PCDH11X: variants seen among roughly 807,000 people sequenced by gnomAD.
PCDH11X encodes protocadherin-11 X-linked.
In PCDH11X, 18 loss-of-function variants were observed where a neutral mutation model predicts 53.3. That is an observed-to-expected ratio of 0.34 (90% CI 0.23 to 0.50). PCDH11X has a LOEUF of 0.50. Ranked by LOEUF, PCDH11X falls within the 20% of genes least tolerant of loss-of-function variation. The pLI, the probability that PCDH11X is intolerant of heterozygous loss-of-function variation, is 0.98. For synonymous variants in PCDH11X, 279 were observed against 393.3 expected (o/e 0.71, Z 3.44); for missense variants, 570 against 1,032.4 (o/e 0.55, Z 6.14).
At chrX:92,601,217 G>A (rs1310162369) in intron 10 of PCDH11X, among the ~76,000 whole-genome samples, 2 of 107,085 alleles carry the variant, frequency 1.9e-5, no homozygotes, top group African/African-American at 6.9e-5. Flanking sequence ...CATGAGATTT[G>A]GGAGTTGCCA....
intron 8 of PCDH11X, 141 bp from the exon 9 acceptor site, chrX:92,387,594 A>T: frequency 1.9e-6 from 2 of 1,041,111 alleles, no homozygotes; most frequent in Non-Finnish European, 2.6e-6. Context: ...GTTATTCACA[A>T]AAGCCTGAAA....
intron 5 of PCDH11X, among the ~76,000 whole-genome samples, chrX:91,839,864 C>T (rs1341988989): frequency 9.0e-6 from 1 of 111,067 alleles, no homozygotes; most frequent in Non-Finnish European, 1.9e-5. Flanking sequence ...TTCTCTCTTT[C>T]AAGTAAAATC....
intron 6 of PCDH11X, among the ~76,000 whole-genome samples, chrX:91,990,052 G>C (rs2062295478): frequency 9.1e-6 from 1 of 110,025 alleles, no homozygotes; most frequent in East Asian, 2.9e-4. Context: ...AAGATTCTCT[G>C]ATCTTTTCCT....
chrX:92,611,289 A>C (rs748236157), intron 10 of PCDH11X, among the ~76,000 whole-genome samples: 1 of 108,473 alleles, frequency 9.2e-6, no homozygotes, highest in Admixed American at 9.8e-5. Context: ...AGTGTTTTGT[A>C]GTTCTTCTTG....
At chrX:92,211,970 T>G (rs941707363) in intron 7 of PCDH11X, among the ~76,000 whole-genome samples, 19 of 109,285 alleles carry the variant, frequency 1.7e-4, no homozygotes, top group Non-Finnish European at 3.2e-4. Flanking sequence ...TGTATTGATT[T>G]CAATTTGTGT....
chrX:91,928,249 C>A (rs371794470), intron 6 of PCDH11X, among the ~76,000 whole-genome samples: 2 of 109,426 alleles, frequency 1.8e-5, no homozygotes, highest in East Asian at 5.8e-4. Context: ...ACAACCTAAT[C>A]AAACGTGGCT....
intron 6 of PCDH11X, among the ~76,000 whole-genome samples, chrX:92,102,857 A>T (rs2064290170): frequency 8.9e-6 from 1 of 111,782 alleles, no homozygotes; most frequent in African/African-American, 3.3e-5. Context: ...CTAACTTGTA[A>T]GGCTTGTCTG....
At chrX:92,247,957 C>G (rs1191231719) in intron 7 of PCDH11X, among the ~76,000 whole-genome samples, 1 of 111,575 alleles carries the variant, frequency 9.0e-6, no homozygotes, top group Non-Finnish European at 1.9e-5. Context: ...TGAAACCTGA[C>G]AAACATAAAA....
intron 1 of PCDH11X, among the ~76,000 whole-genome samples, chrX:91,781,898 C>A (rs770137407): frequency 2.7e-5 from 3 of 112,679 alleles, no homozygotes; most frequent in East Asian, 2.8e-4. Flanking sequence ...GCGACAGTTC[C>A]CAAAAGCTGA....
chrX:91,858,191 A>G (rs1938459234), intron 5 of PCDH11X, among the ~76,000 whole-genome samples: 1 of 109,364 alleles, frequency 9.1e-6, no homozygotes, highest in African/African-American at 3.3e-5. Flanking sequence ...TGAGCTCTAC[A>G]TCGGACACTT....
intron 6 of PCDH11X, among the ~76,000 whole-genome samples, chrX:92,078,888 G>T (rs761954699): frequency 9.0e-6 from 1 of 110,628 alleles, no homozygotes; most frequent in East Asian, 2.9e-4. Flanking sequence ...ATATAGAATT[G>T]TCATGAATAT....
intron 10 of PCDH11X, among the ~76,000 whole-genome samples, chrX:92,488,450 T>C (rs939242446): frequency 1.9e-4 from 21 of 110,618 alleles, no homozygotes; most frequent in South Asian, 3.9e-4. Context: ...CATTTGTCTA[T>C]TCCCTTAGTA....
At chrX:92,204,599 C>A (rs1414270200) in intron 7 of PCDH11X, among the ~76,000 whole-genome samples, 1 of 112,081 alleles carries the variant, frequency 8.9e-6, no homozygotes, top group African/African-American at 3.2e-5. Flanking sequence ...CAAACTTTCC[C>A]ACATTTTTCT....
At chrX:92,255,587 C>G (rs2067559109) in intron 7 of PCDH11X, among the ~76,000 whole-genome samples, 2 of 107,181 alleles carry the variant, frequency 1.9e-5, no homozygotes, top group African/African-American at 3.4e-5. Context: ...TACTTTTGGT[C>G]TTTGATGATG....
chrX:92,238,644 G>A (rs781453626), intron 7 of PCDH11X, among the ~76,000 whole-genome samples: 2 of 111,641 alleles, frequency 1.8e-5, no homozygotes, highest in East Asian at 2.8e-4. Flanking sequence ...TATTGTTGCT[G>A]TTGTCTGTGC....
intron 8 of PCDH11X, among the ~76,000 whole-genome samples, chrX:92,330,502 A>C (rs1284075511): frequency 9.1e-6 from 1 of 110,342 alleles, no homozygotes; most frequent in African/African-American, 3.3e-5. Context: ...AACATGTTGG[A>C]AAACAGTTGG....
At chrX:92,277,078 C>T (rs777894051) in intron 8 of PCDH11X, among the ~76,000 whole-genome samples, 27 of 110,023 alleles carry the variant, frequency 2.5e-4, no homozygotes, top group Non-Finnish European at 4.5e-4. Flanking sequence ...GAATTGGGAC[C>T]TAGCTCAGCC....
At chrX:92,515,995 G>A (rs34586727) in intron 10 of PCDH11X, among the ~76,000 whole-genome samples, 118 of 111,973 alleles carry the variant, frequency 1.1e-3, no homozygotes, top group Non-Finnish European at 2.0e-3. Context: ...AGTTCATATC[G>A]TGTTCAAATA....
intron 6 of PCDH11X, among the ~76,000 whole-genome samples, chrX:91,952,279 T>C (rs374856995): frequency 6.4e-5 from 7 of 110,012 alleles, no homozygotes; most frequent in East Asian, 2.8e-4. Flanking sequence ...GTCCCTTCAA[T>C]GTAAAAGTAA....
Sources: gnomAD v4.1 joint callset for allele counts (sites outside exome capture counted in the v4.1 genomes callset) on GRCh38, gnomAD v4.1.1 for gene constraint, MANE v1.5 for transcripts, NCBI Gene and HGNC (gene_info 2026-07-23, HGNC 2026-07-21) for gene names.